Variants in MAN1A2 observed in about 807,000 individuals in gnomAD.
MAN1A2 encodes mannosidase alpha class 1A member 2.
In MAN1A2, 26 loss-of-function variants were observed where a neutral mutation model predicts 75.7. The ratio of observed to expected loss-of-function variants is 0.34; its 90% confidence interval spans 0.25 to 0.48. The LOEUF is 0.48. MAN1A2 is among the 20% of genes least tolerant of loss of function. The pLI is 0.99. For synonymous variants in MAN1A2, 247 were observed against 264.6 expected, an observed-to-expected ratio of 0.93 and a Z score of 0.65; for missense variants, 562 against 775.5, an observed-to-expected ratio of 0.72 and a Z score of 3.27.
At chr1:117,505,287 A>G (rs12141947) in intron 12 of MAN1A2, among the ~76,000 whole-genome samples, 21,182 of 151,126 alleles carry the variant, frequency 0.14, 1,704 homozygotes, top group Admixed American at 0.22. Context: ...CAAATCTCTC[A>G]TCATTACAAC....
intron 12 of MAN1A2, among the ~76,000 whole-genome samples, chr1:117,516,462 C>G (rs572243239): frequency 6.6e-6 from 1 of 152,180 alleles, no homozygotes; most frequent in East Asian, 1.9e-4. Context: ...TAATAATAGA[C>G]TTGAGAGTAG....
At chr1:117,392,701 C>G (rs550995804) in intron 1 of MAN1A2, among the ~76,000 whole-genome samples, 2 of 152,288 alleles carry the variant, frequency 1.3e-5, no homozygotes, top group Non-Finnish European at 2.9e-5. Flanking sequence ...TTTGAAAACC[C>G]TAGTTAGAAT....
At chr1:117,423,802 G>C (rs369173313) in intron 5 of MAN1A2, among the ~76,000 whole-genome samples, 1 of 151,896 alleles carries the variant, frequency 6.6e-6, no homozygotes, top group Non-Finnish European at 1.5e-5. Context: ...ACCATTTTAA[G>C]TGTGCAGTTC....
At chr1:117,471,539 G>T (rs887095570) in intron 8 of MAN1A2, among the ~76,000 whole-genome samples, 1 of 151,754 alleles carries the variant, frequency 6.6e-6, no homozygotes, top group Non-Finnish European at 1.5e-5. Context: ...TGACATGTAG[G>T]CATATAATCT....
At chr1:117,427,747 T>C (rs949270953) in intron 5 of MAN1A2, among the ~76,000 whole-genome samples, 1 of 152,192 alleles carries the variant, frequency 6.6e-6, no homozygotes, top group African/African-American at 2.4e-5. Context: ...ACACATGTTA[T>C]ATGTGGAGGT....
At chr1:117,376,272 G>A (rs922510035) in intron 1 of MAN1A2, among the ~76,000 whole-genome samples, 1 of 151,254 alleles carries the variant, frequency 6.6e-6, no homozygotes, top group African/African-American at 2.4e-5. Context: ...TGGATGCTGC[G>A]GTCAAGAATA....
chr1:117,414,928 A>G (rs891884398), intron 4 of MAN1A2, 97 bp downstream of exon 4: 7 of 732,604 alleles, frequency 9.6e-6, no homozygotes, highest in African/African-American at 3.5e-5. Flanking sequence ...CCTAAAATTC[A>G]TATGTTGAAA....
At chr1:117,487,588 G>A (rs1339058027) in intron 8 of MAN1A2, among the ~76,000 whole-genome samples, 1 of 152,044 alleles carries the variant, frequency 6.6e-6, no homozygotes, top group Admixed American at 6.6e-5. Context: ...TAAAATGGTA[G>A]CGTCACTGAA....
At chr1:117,521,994 G>A (rs1009150856) in intron 12 of MAN1A2, among the ~76,000 whole-genome samples, 1 of 151,852 alleles carries the variant, frequency 6.6e-6, no homozygotes, top group Non-Finnish European at 1.5e-5. Context: ...GGACACAAAG[G>A]TGTGAGAATG....
At chr1:117,473,017 T>C (rs1650209137) in intron 8 of MAN1A2, among the ~76,000 whole-genome samples, 1 of 151,980 alleles carries the variant, frequency 6.6e-6, no homozygotes, top group South Asian at 2.1e-4. Context: ...ATCTCTCAAA[T>C]CTAGAACTCT....
At chr1:117,428,264 G>A (rs1344769382) in intron 5 of MAN1A2, among the ~76,000 whole-genome samples, 2 of 151,902 alleles carry the variant, frequency 1.3e-5, no homozygotes, top group Non-Finnish European at 2.9e-5. Context: ...ACAGGTGCAC[G>A]CCACCATGCT....
chr1:117,440,575 A>T (rs1480547264), intron 5 of MAN1A2, among the ~76,000 whole-genome samples: 1 of 152,082 alleles, frequency 6.6e-6, no homozygotes, highest in Non-Finnish European at 1.5e-5. Flanking sequence ...TTTTTTCTCA[A>T]TGACATTAGG....
At chr1:117,448,752 G>GT (rs1458485506) in intron 6 of MAN1A2, among the ~76,000 whole-genome samples, 4 of 152,182 alleles carry the variant, frequency 2.6e-5, no homozygotes, top group African/African-American at 9.7e-5. Context: ...TAACATACCT[G>GT]TAATGGAGTG....
intron 10 of MAN1A2, among the ~76,000 whole-genome samples, chr1:117,498,055 A>G (rs1256157785): frequency 6.6e-6 from 1 of 151,908 alleles, no homozygotes; most frequent in Non-Finnish European, 1.5e-5. Flanking sequence ...GTTCTCATTA[A>G]CTAAATAAGG....
intron 12 of MAN1A2, chr1:117,515,201 G>C: frequency 5.9e-6 from 1 of 170,090 alleles, no homozygotes; most frequent in Non-Finnish European, 1.3e-5. Flanking sequence ...CATCTGTTTT[G>C]AGCATGTATA....
chr1:117,437,318 T>C (rs1648879872), intron 5 of MAN1A2, among the ~76,000 whole-genome samples: 1 of 152,160 alleles, frequency 6.6e-6, no homozygotes, highest in Non-Finnish European at 1.5e-5. Flanking sequence ...TAAAAAAGAA[T>C]GACAGCTGAC....
At chr1:117,431,349 A>C (rs1274035976) in intron 5 of MAN1A2, among the ~76,000 whole-genome samples, 1 of 152,128 alleles carries the variant, frequency 6.6e-6, no homozygotes, top group Non-Finnish European at 1.5e-5. Context: ...TATGAATCAC[A>C]AATGGAAGAA....
At chr1:117,401,240 T>C (rs1647416154) in intron 1 of MAN1A2, among the ~76,000 whole-genome samples, 1 of 152,106 alleles carries the variant, frequency 6.6e-6, no homozygotes. Context: ...GTTACATCTT[T>C]AGTGTTTTAA....
chr1:117,373,293 C>T (rs973476424), intron 1 of MAN1A2, among the ~76,000 whole-genome samples: 1 of 151,812 alleles, frequency 6.6e-6, no homozygotes, highest in African/African-American at 2.4e-5. Flanking sequence ...TTGGGGCTTT[C>T]TGCTCCTGTT....
Sources: allele counts gnomAD v4.1 joint callset (sites outside exome capture counted in the v4.1 genomes callset), GRCh38; gene constraint gnomAD v4.1.1; transcripts MANE v1.5; gene names NCBI Gene and HGNC (gene_info 2026-07-23, HGNC 2026-07-21).